LRMDA: variants seen among roughly 807,000 people sequenced by gnomAD.
The protein encoded by LRMDA is leucine rich melanocyte differentiation associated.
LRMDA carries 18 observed loss-of-function variants against 29.8 expected under a neutral mutation model. The observed-to-expected ratio is 0.60, with a 90% confidence interval of 0.42 to 0.90. LRMDA has a LOEUF of 0.90. Among genes scored for constraint, LRMDA ranks in the 40% least tolerant of loss-of-function variants. The pLI is 0.00. For missense variants in LRMDA, 273 were observed against 273.9 expected, an observed-to-expected ratio of 1.00 and a Z score of 0.02; for synonymous variants, 125 against 109.4, an observed-to-expected ratio of 1.14 and a Z score of -0.89.
At chr10:75,787,039 T>G (rs188088242) in intron 2 of LRMDA, among the ~76,000 whole-genome samples, 3 of 152,356 alleles carry the variant, frequency 2.0e-5, no homozygotes, top group East Asian at 3.9e-4. Flanking sequence ...CCACTAGATT[T>G]GTCTGTGCTG....
At chr10:75,598,861 G>A (rs1840841279) in intron 2 of LRMDA, among the ~76,000 whole-genome samples, 1 of 152,178 alleles carries the variant, frequency 6.6e-6, no homozygotes, top group Admixed American at 6.5e-5. Context: ...AATGTATGTG[G>A]CATTTAGCAA....
intron 2 of LRMDA, among the ~76,000 whole-genome samples, chr10:75,836,170 G>A (rs564768365): frequency 5.5e-4 from 84 of 152,280 alleles, no homozygotes; most frequent in African/African-American, 1.9e-3. Flanking sequence ...GTTTTCCGAA[G>A]GTCCGTGTCT....
intron 6 of LRMDA, among the ~76,000 whole-genome samples, chr10:76,356,326 C>A (rs1386015992): frequency 6.6e-6 from 1 of 152,102 alleles, no homozygotes; most frequent in Non-Finnish European, 1.5e-5. Flanking sequence ...ACAGAGGTGT[C>A]AAAGTTTATT....
chr10:76,363,413 A>G (rs1311255656), intron 6 of LRMDA, among the ~76,000 whole-genome samples: 2 of 152,170 alleles, frequency 1.3e-5, no homozygotes, highest in East Asian at 1.9e-4. Context: ...ATCTCTATAG[A>G]AAATTCAGTG....
chr10:75,681,243 G>A (rs1410034913), intron 2 of LRMDA, among the ~76,000 whole-genome samples: 1 of 152,192 alleles, frequency 6.6e-6, no homozygotes, highest in African/African-American at 2.4e-5. Flanking sequence ...TGATTGATTT[G>A]GCTATGAGGA....
At chr10:76,237,707 C>A (rs1852178483) in intron 5 of LRMDA, among the ~76,000 whole-genome samples, 1 of 151,352 alleles carries the variant, frequency 6.6e-6, no homozygotes, top group Non-Finnish European at 1.5e-5. Context: ...CCAGAAAGCG[C>A]AGCCATAGGG....
intron 2 of LRMDA, among the ~76,000 whole-genome samples, chr10:75,650,801 C>T: frequency 6.6e-6 from 1 of 152,268 alleles, no homozygotes; most frequent in South Asian, 2.1e-4. Context: ...GATGACCCTT[C>T]TTCCTGCAGT....
chr10:75,864,567 ATTG>A (rs1844988736), intron 2 of LRMDA, among the ~76,000 whole-genome samples: 1 of 152,088 alleles, frequency 6.6e-6, no homozygotes, highest in Non-Finnish European at 1.5e-5. Context: ...TAATTTCCTT[ATTG>A]TTTGTTTATT....
intron 6 of LRMDA, among the ~76,000 whole-genome samples, chr10:76,345,145 C>T (rs1029860180): frequency 4.3e-5 from 6 of 140,554 alleles, no homozygotes; most frequent in Admixed American, 7.4e-5. Context: ...CGGCTCGCTG[C>T]AAGCTCCGCC....
At position 75,615,813 on chromosome 10, in the gene LRMDA, T is replaced by A. The variant is rs554585184; in HGVS notation, c.131+177319T>A. On this transcript the variant is annotated intron_variant, in intron 2 of 6. Transcript: ENST00000611255. ...CTGAACTCCATTTCCTTCTGTCAGA[T>A]GAGATGGTTGGCTTTGGATCAGTGT... Among the ~76,000 whole-genome samples, 5 of 152,262 alleles carry A rather than the reference T, an allele frequency of 3.3e-5. No homozygotes were observed. The South Asian group carries it at 1.0e-3, about 32-fold the overall frequency.
At chr10:75,584,000 G>C (rs1840626782) in intron 2 of LRMDA, among the ~76,000 whole-genome samples, 1 of 152,064 alleles carries the variant, frequency 6.6e-6, no homozygotes, top group South Asian at 2.1e-4. Flanking sequence ...CATAGGGACT[G>C]TCCTTCCTCT....
At chr10:75,891,084 G>T (rs1885826) in intron 2 of LRMDA, among the ~76,000 whole-genome samples, 1 of 150,188 alleles carries the variant, frequency 6.7e-6, no homozygotes, top group African/African-American at 2.5e-5. Flanking sequence ...CAGCCTGGGC[G>T]ACAGAGCTAG....
At position 76,322,604 on chromosome 10, in the gene LRMDA, T is replaced by C. The variant is rs535151979; in HGVS notation, c.517-1797T>C. ...TTCTAATGTGTAGCACAGTCAGAGA[T>C]GTTTCTGAAAAGGTAGCATTTGTTC... On this transcript the variant is annotated intron_variant, in intron 5 of 6. Transcript: ENST00000611255. Among the ~76,000 whole-genome samples the C allele has an allele frequency of 5.9e-5, 9 of 152,356 alleles. No individual in the cohort carries two copies. In the South Asian group the frequency reaches 1.0e-3, roughly 18 times the overall value.
intron 2 of LRMDA, among the ~76,000 whole-genome samples, chr10:75,860,311 G>GTTTT (rs56875392): frequency 1.4e-5 from 1 of 69,270 alleles, no homozygotes; most frequent in Non-Finnish European, 2.5e-5. Flanking sequence ...GATGTTTCTG[G>GTTTT]TTTTTTTTTT....
At chr10:75,740,284 G>A (rs1842814036) in intron 2 of LRMDA, among the ~76,000 whole-genome samples, 1 of 152,214 alleles carries the variant, frequency 6.6e-6, no homozygotes, top group Non-Finnish European at 1.5e-5. Context: ...GAGGCTGAGG[G>A]GCAGCGGCCT....
intron 6 of LRMDA, among the ~76,000 whole-genome samples, chr10:76,363,950 ATCACT>A (rs1006192270): frequency 3.3e-4 from 50 of 152,284 alleles, no homozygotes; most frequent in African/African-American, 1.2e-3. Flanking sequence ...CTTTGGGAAG[ATCACT>A]TCACCTTTTA....
chr10:76,173,909 C>T (rs181912951), intron 5 of LRMDA, among the ~76,000 whole-genome samples: 72 of 152,298 alleles, frequency 4.7e-4, no homozygotes, highest in African/African-American at 9.1e-4. Context: ...ATCTGCCTGA[C>T]TTAGCCTCCC....
intron 6 of LRMDA, among the ~76,000 whole-genome samples, chr10:76,506,116 C>T (rs987367491): frequency 4.6e-5 from 7 of 152,068 alleles, no homozygotes; most frequent in African/African-American, 1.7e-4. Flanking sequence ...TCTCTTTTGA[C>T]TCTTGGTATT....
intron 6 of LRMDA, among the ~76,000 whole-genome samples, chr10:76,394,573 C>T (rs1841760705): frequency 6.6e-6 from 1 of 151,982 alleles, no homozygotes; most frequent in African/African-American, 2.4e-5. Flanking sequence ...GGATGAAGGC[C>T]CTGTGTTGTT....
Sources: allele counts gnomAD v4.1 joint callset (sites outside exome capture counted in the v4.1 genomes callset), GRCh38; gene constraint gnomAD v4.1.1; transcripts MANE v1.5; gene names NCBI Gene and HGNC (gene_info 2026-07-23, HGNC 2026-07-21).